CHMP4B: variants seen among roughly 807,000 people sequenced by gnomAD.
CHMP4B encodes SNF7 homolog associated with Alix 1.
Under a neutral mutation model 25.1 loss-of-function variants are expected in CHMP4B, and 1 was observed. That is an observed-to-expected ratio of 0.04 (90% CI 0.01 to 0.19). The LOEUF (loss-of-function observed/expected upper bound fraction) is 0.19, where lower values mean the gene tolerates loss of function less well. Among genes scored for constraint, CHMP4B ranks in the 10% least tolerant of loss-of-function variants. The pLI is 1.00. For synonymous variants in CHMP4B, 101 were observed against 115.6 expected (o/e 0.87, Z 0.81); for missense variants, 151 against 289.7 (o/e 0.52, Z 3.48).
chr20:33,820,022 A>C (rs77482862), intron 1 of CHMP4B, among the ~76,000 whole-genome samples: 102 of 151,604 alleles, frequency 6.7e-4, no homozygotes, highest in Middle Eastern at 3.4e-3. Context: ...AAAAAAAAAA[A>C]CCAAAATTAG....
In CHMP4B at chr20:33,852,218, A is replaced by AT. The variant is rs1428019878; in HGVS notation, c.610+15_610+16insT. The AT allele has an allele frequency of 6.2e-7, 1 of 1,613,932 alleles. No individual in the cohort carries two copies. The highest frequency in any genetic ancestry group is 1.7e-5 in the Admixed American group (1 of 60,002). ...ATCAAAACCCGGTGAGTGCTTCTAGAGTCATGGCACACCGTGAGGTCATGT... is the reference window on the plus strand; with the variant it reads ...ATCAAAACCCGGTGAGTGCTTCTAGATGTCATGGCACACCGTGAGGTCATGT... On this transcript the variant is annotated intron_variant, in intron 4 of 4. Transcript: ENST00000217402.
intron 4 of CHMP4B, among the ~76,000 whole-genome samples, chr20:33,853,263 T>C (rs1242539107): frequency 6.6e-6 from 1 of 152,114 alleles, no homozygotes; most frequent in African/African-American, 2.4e-5. Flanking sequence ...CCTTGTTTTG[T>C]CTGGGCCTGC....
intron 1 of CHMP4B, among the ~76,000 whole-genome samples, chr20:33,837,745 T>G (rs1979428655): frequency 6.6e-6 from 1 of 152,208 alleles, no homozygotes; most frequent in South Asian, 2.1e-4. Context: ...CCAGTTAAAA[T>G]AAGAAAGACT....
intron 1 of CHMP4B, among the ~76,000 whole-genome samples, chr20:33,827,000 T>A (rs1041085398): frequency 6.6e-6 from 1 of 152,184 alleles, no homozygotes; most frequent in African/African-American, 2.4e-5. Flanking sequence ...CAGTGACCTG[T>A]ATTTCTGAGG....
At chr20:33,843,474 T>A (rs1720524502) in intron 1 of CHMP4B, among the ~76,000 whole-genome samples, 1 of 152,238 alleles carries the variant, frequency 6.6e-6, no homozygotes, top group African/African-American at 2.4e-5. Flanking sequence ...TTTAGACACC[T>A]CTTTTTTGAA....
chr20:33,822,438 C>T (rs1464670107), intron 1 of CHMP4B, among the ~76,000 whole-genome samples: 1 of 152,254 alleles, frequency 6.6e-6, no homozygotes, highest in African/African-American at 2.4e-5. Context: ...AGCCACCGTG[C>T]CCAGCCTACT....
At position 33,848,418 on chromosome 20, in the gene CHMP4B, C is replaced by T; in HGVS notation, c.191-49C>T. 2.5e-6 allele frequency: 4 copies of T among 1,599,618 alleles called. No individual in the cohort carries two copies. In the Admixed American group the frequency reaches 6.7e-5, roughly 27 times the overall value. ...GGAAAAGACTCAGTGACACTAGAAC[C>T]TCACCCTGTGCCGGGACTCTCTGAA... On this transcript the variant is annotated intron_variant, in intron 1 of 4. Coordinates refer to ENST00000217402, the MANE Select transcript of CHMP4B (RefSeq NM_176812.5).
chr20:33,815,372 CTG>C (rs1568604534), intron 1 of CHMP4B, among the ~76,000 whole-genome samples: 2 of 152,168 alleles, frequency 1.3e-5, no homozygotes, highest in Admixed American at 6.5e-5. Flanking sequence ...TAATACATGT[CTG>C]AGACTTTTCT....
intron 1 of CHMP4B, among the ~76,000 whole-genome samples, chr20:33,815,136 TG>T (rs1978748969): frequency 6.6e-6 from 1 of 152,166 alleles, no homozygotes; most frequent in Admixed American, 6.5e-5. Context: ...GCTGGGTACC[TG>T]GGGCAGGTTA....
chr20:33,842,038 A>T (rs979073492), intron 1 of CHMP4B, among the ~76,000 whole-genome samples: 1 of 152,070 alleles, frequency 6.6e-6, no homozygotes, highest in Admixed American at 6.6e-5. Context: ...CCTGTTCTGG[A>T]CATCATTTTT....
intron 1 of CHMP4B, among the ~76,000 whole-genome samples, chr20:33,846,263 TA>T (rs1979687734): frequency 6.6e-6 from 1 of 152,206 alleles, no homozygotes; most frequent in Non-Finnish European, 1.5e-5. Flanking sequence ...CCTCATCAAC[TA>T]ACCTTATCAT....
At chr20:33,829,686 C>G (rs1266685268) in intron 1 of CHMP4B, among the ~76,000 whole-genome samples, 1 of 152,176 alleles carries the variant, frequency 6.6e-6, no homozygotes, top group Non-Finnish European at 1.5e-5. Context: ...TATGCACGTA[C>G]AGCTCTGTAG....
At chr20:33,831,483 GCCT>G (rs1472838308) in intron 1 of CHMP4B, among the ~76,000 whole-genome samples, 1 of 152,174 alleles carries the variant, frequency 6.6e-6, no homozygotes, top group Non-Finnish European at 1.5e-5. Context: ...GCCCACCTTG[GCCT>G]CCCAAAGTGC....
At chr20:33,823,560 CAG>C (rs1475030136) in intron 1 of CHMP4B, among the ~76,000 whole-genome samples, 2 of 151,934 alleles carry the variant, frequency 1.3e-5, no homozygotes, top group Non-Finnish European at 2.9e-5. Context: ...ATTTTTCAGA[CAG>C]AGTCTCACTC....
At chr20:33,848,333 G>A in intron 1 of CHMP4B, 134 bp from the exon 2 acceptor site, 1 of 868,038 alleles carries the variant, frequency 1.2e-6, no homozygotes, top group South Asian at 1.4e-5. Flanking sequence ...TCTTTGTGTA[G>A]AATTTATGAA....
intron 1 of CHMP4B, among the ~76,000 whole-genome samples, chr20:33,818,971 G>A (rs1442339213): frequency 2.0e-5 from 3 of 151,678 alleles, no homozygotes; most frequent in East Asian, 3.9e-4. Flanking sequence ...GTGCAGTGGC[G>A]CCATCTCATC....
At chr20:33,824,303 G>A (rs1836331394) in intron 1 of CHMP4B, among the ~76,000 whole-genome samples, 2 of 152,182 alleles carry the variant, frequency 1.3e-5, no homozygotes, top group African/African-American at 4.8e-5. Context: ...TCCAAGTCTA[G>A]TGCGTTTCTG....
intron 2 of CHMP4B, among the ~76,000 whole-genome samples, chr20:33,849,729 T>TG (rs1426111472): frequency 6.6e-6 from 1 of 152,160 alleles, no homozygotes; most frequent in Non-Finnish European, 1.5e-5. Flanking sequence ...GTCCAATGGG[T>TG]GGGAAAATGC....
chr20:33,817,790 A>G (rs1978822587), intron 1 of CHMP4B, among the ~76,000 whole-genome samples: 1 of 152,262 alleles, frequency 6.6e-6, no homozygotes. Context: ...GTCATTTTGC[A>G]GATGGATGAT....
Sources: allele counts gnomAD v4.1 joint callset (sites outside exome capture counted in the v4.1 genomes callset), GRCh38; gene constraint gnomAD v4.1.1; transcripts MANE v1.5; gene names NCBI Gene and HGNC (gene_info 2026-07-23, HGNC 2026-07-21).